ZFHX3: variants seen among roughly 807,000 people sequenced by gnomAD.
The protein encoded by ZFHX3 is zinc finger homeobox protein 3.
ZFHX3 carries 42 observed loss-of-function variants against 279.1 expected under a neutral mutation model. That is an observed-to-expected ratio of 0.15 (90% confidence interval 0.12 to 0.19). ZFHX3 has a LOEUF of 0.19. ZFHX3 is among the 10% of genes least tolerant of loss of function. The pLI is 1.00. For synonymous variants in ZFHX3, 2,293 were observed against 1,957.8 expected, an observed-to-expected ratio of 1.17 and a Z score of -4.52; for missense variants, 4,981 against 4,754.0, an observed-to-expected ratio of 1.05 and a Z score of -1.40.
chr16:73,120,480 C>T (rs374531563), intron 7 of ZFHX3, among the ~76,000 whole-genome samples: 10 of 152,048 alleles, frequency 6.6e-5, no homozygotes, highest in African/African-American at 2.4e-4. Flanking sequence ...CACTCCATTG[C>T]CCAGGCTACT....
In ZFHX3 at chr16:72,796,337, G is replaced by A. The variant is rs2035899999; in HGVS notation, c.6345C>T (p.Pro2115=). The change falls in exon 9 of 10, where the codon CCC becomes CCT. Residue 2115 remains proline (P), a synonymous_variant. Transcript: ENST00000268489. ...MPLQTLPAQL[P]PQLGPVEPLP... Reference sequence around the variant, plus strand: ...GAGGCTCCACAGGTCCCAGCTGCGGGGGTAGCTGAGCCGGCAAGGTCTGCA... The same window carrying A: ...GAGGCTCCACAGGTCCCAGCTGCGGAGGTAGCTGAGCCGGCAAGGTCTGCA... 1 of 1,614,090 alleles carries A rather than the reference G, an allele frequency of 6.2e-7. No individual in the cohort carries two copies. Among genetic ancestry groups the A allele is most frequent in the Non-Finnish European group, 8.5e-7 (1 of 1,180,016 alleles).
chr16:72,964,309 CTAAA>C (rs1477987459), intron 1 of ZFHX3, among the ~76,000 whole-genome samples: 7 of 152,088 alleles, frequency 4.6e-5, no homozygotes, highest in Non-Finnish European at 1.0e-4. Context: ...AAAACAGACC[CTAAA>C]TAAATTACAG....
chr16:73,503,175 G>T (rs2019268338), intron 2 of ZFHX3, among the ~76,000 whole-genome samples: 1 of 152,204 alleles, frequency 6.6e-6, no homozygotes, highest in Non-Finnish European at 1.5e-5. Context: ...TCATCTCCGA[G>T]GTGTTTGTAG....
At chr16:73,058,394 G>A (rs900079429) in intron 1 of ZFHX3, 6 of 175,178 alleles carry the variant, frequency 3.4e-5, no homozygotes, top group Admixed American at 6.4e-5. Context: ...AGCCGGGAGG[G>A]GGCAGGACGA....
chr16:73,777,024 G>T (rs914864642), intron 1 of ZFHX3, among the ~76,000 whole-genome samples: 3 of 152,182 alleles, frequency 2.0e-5, no homozygotes, highest in Admixed American at 2.0e-4. Context: ...TCCCATGAAC[G>T]TAGAGGAGGT....
intron 2 of ZFHX3, among the ~76,000 whole-genome samples, chr16:73,474,786 A>G (rs1318396608): frequency 6.6e-6 from 1 of 152,236 alleles, no homozygotes; most frequent in African/African-American, 2.4e-5. Flanking sequence ...TGCTTGGCAC[A>G]TAGTAAATGC....
chr16:72,939,893 G>A (rs1262087756), intron 3 of ZFHX3, among the ~76,000 whole-genome samples: 2 of 151,852 alleles, frequency 1.3e-5, no homozygotes, highest in Admixed American at 6.6e-5. Context: ...TCCTCCCACC[G>A]CAGCCCTCTC....
intron 4 of ZFHX3, among the ~76,000 whole-genome samples, chr16:72,837,638 G>A (rs185921472): frequency 9.3e-5 from 13 of 139,582 alleles, no homozygotes; most frequent in Admixed American, 8.2e-4. Context: ...GATAATTTTT[G>A]TATTTTTAGT....
intron 3 of ZFHX3, among the ~76,000 whole-genome samples, chr16:72,911,171 G>C (rs925774436): frequency 2.6e-5 from 4 of 152,246 alleles, no homozygotes; most frequent in Non-Finnish European, 5.9e-5. Context: ...TGGGCAGTAA[G>C]GGAGTCGAGA....
chr16:73,877,316 T>C (rs763918524), intron 1 of ZFHX3, among the ~76,000 whole-genome samples: 1 of 152,172 alleles, frequency 6.6e-6, no homozygotes, highest in Non-Finnish European at 1.5e-5. Flanking sequence ...ACCCATTAGA[T>C]TCTTCATGCA....
At chr16:73,448,409 G>A (rs2018224078) in intron 3 of ZFHX3, among the ~76,000 whole-genome samples, 1 of 152,018 alleles carries the variant, frequency 6.6e-6, no homozygotes, top group African/African-American at 2.4e-5. Flanking sequence ...AGACTTTGGA[G>A]CTTAGGGAAA....
At chr16:72,865,334 C>A (rs1597324588) in intron 4 of ZFHX3, among the ~76,000 whole-genome samples, 1 of 152,218 alleles carries the variant, frequency 6.6e-6, no homozygotes, top group East Asian at 1.9e-4. Context: ...CATCCACTAG[C>A]CCAGCAGAAC....
At chr16:73,181,077 GTTTGTTTGT>G (rs1317901660) in intron 5 of ZFHX3, among the ~76,000 whole-genome samples, 4 of 110,146 alleles carry the variant, frequency 3.6e-5, no homozygotes, top group Non-Finnish European at 3.7e-5. Context: ...TAGTTTTTTT[GTTTGTTTGT>G]TTTGTTTTGT....
chr16:73,248,280 T>C (rs537057331), intron 5 of ZFHX3, among the ~76,000 whole-genome samples: 7 of 152,046 alleles, frequency 4.6e-5, no homozygotes, highest in African/African-American at 1.7e-4. Flanking sequence ...TTTGCATATG[T>C]GTGTGTATAC....
At chr16:72,934,329 G>A (rs1233542586) in intron 3 of ZFHX3, among the ~76,000 whole-genome samples, 2 of 152,166 alleles carry the variant, frequency 1.3e-5, no homozygotes, top group African/African-American at 4.8e-5. Context: ...TTGGGAGGCT[G>A]AGGCAGGAGA....
At chr16:73,360,916 G>C (rs1048382504) in intron 3 of ZFHX3, among the ~76,000 whole-genome samples, 1 of 151,994 alleles carries the variant, frequency 6.6e-6, no homozygotes, top group Admixed American at 6.5e-5. Context: ...AAAAGCAATG[G>C]GGGGTCATGA....
chr16:73,170,128 T>C (rs1295177440), intron 5 of ZFHX3, among the ~76,000 whole-genome samples: 1 of 151,912 alleles, frequency 6.6e-6, no homozygotes, highest in African/African-American at 2.4e-5. Context: ...ATTATTAATG[T>C]CCTGATGCTA....
chr16:73,768,076 G>C (rs574563003), intron 1 of ZFHX3, among the ~76,000 whole-genome samples: 1 of 152,200 alleles, frequency 6.6e-6, no homozygotes, highest in African/African-American at 2.4e-5. Flanking sequence ...CAGGGCCTTC[G>C]GTCAAAGTGA....
rs528702360 is a variant in ZFHX3 at position 73,250,780 on chromosome 16, C to T, written c.-1104+6267G>A. 2.6e-4 allele frequency among the ~76,000 whole-genome samples: 39 copies of T among 152,270 alleles called. 1 individual carries two copies. Among genetic ancestry groups the T allele is most frequent in the Admixed American group, 1.4e-3 (21 of 15,300 alleles). ...CCATCTCCTGACCTCATGATCCGCC[C>T]GCCTCAGGCTCCCAAAGTGCTGGGA... On this transcript the variant is annotated intron_variant, in intron 5 of 17. Transcript: ENST00000641206.
Sources: gnomAD v4.1 joint callset for allele counts (sites outside exome capture counted in the v4.1 genomes callset) on GRCh38, gnomAD v4.1.1 for gene constraint, MANE v1.5 for transcripts, NCBI Gene and HGNC (gene_info 2026-07-23, HGNC 2026-07-21) for gene names.